CELF2: variants seen among roughly 807,000 people sequenced by gnomAD.
CELF2 encodes CUG triplet repeat RNA-binding protein 2.
A neutral mutation model predicts 62.6 loss-of-function variants in CELF2; 8 were observed. The observed-to-expected ratio is 0.13, with a 90% confidence interval of 0.07 to 0.23. CELF2 has a LOEUF of 0.23. Among genes scored for constraint, CELF2 ranks in the 10% least tolerant of loss-of-function variants. CELF2 has a pLI of 1.00. For synonymous variants in CELF2, 258 were observed against 250.0 expected (o/e 1.03, Z -0.30); for missense variants, 333 against 671.0 (o/e 0.50, Z 5.56).
In CELF2 at chr10:10,820,992, G is replaced by T. The variant is rs887584558; in HGVS notation, c.53+22175G>T. ...GACAGTAGTTTGGGTTGTGACAAGA[G>T]CAATGAGGCTAGAGAAAAGTGGATA... On this transcript the variant is annotated intron_variant, in intron 1 of 13. Transcript: ENST00000636488. 2.0e-5 allele frequency among the ~76,000 whole-genome samples: 3 copies of T among 152,202 alleles called. No individual in the cohort carries two copies. The South Asian group carries it at 6.2e-4, about 31-fold the overall frequency.
the CELF2 span, among the ~76,000 whole-genome samples, chr10:10,623,965 A>G: frequency 6.6e-6 from 1 of 152,166 alleles, no homozygotes; most frequent in Non-Finnish European, 1.5e-5. Flanking sequence ...CCCTACACCC[A>G]AGAAGGGAGG....
At chr10:11,014,903 T>G (rs2057022294), upstream of CELF2, among the ~76,000 whole-genome samples, 1 of 152,174 alleles carries the variant, frequency 6.6e-6, no homozygotes, top group South Asian at 2.1e-4. Flanking sequence ...TTAAGGTTTT[T>G]CCACAATGCA....
chr10:10,578,775 A>G, the CELF2 span, among the ~76,000 whole-genome samples: 4 of 152,234 alleles, frequency 2.6e-5, no homozygotes, highest in Admixed American at 6.5e-5. Context: ...CAGTCCTTCC[A>G]TGGGTCCACA....
the CELF2 span, among the ~76,000 whole-genome samples, chr10:10,550,701 C>CTTT: frequency 1.4e-5 from 2 of 142,472 alleles, no homozygotes; most frequent in South Asian, 4.5e-4. Flanking sequence ...CATGTGATGT[C>CTTT]TTTTTTTTTT....
chr10:10,642,330 T>G, the CELF2 span, among the ~76,000 whole-genome samples: 1 of 152,288 alleles, frequency 6.6e-6, no homozygotes, highest in South Asian at 2.1e-4. Flanking sequence ...TCTCTCTGAA[T>G]CACTTCTCCA....
intron 1 of CELF2, among the ~76,000 whole-genome samples, chr10:10,818,461 A>G (rs2056676845): frequency 6.6e-6 from 1 of 152,168 alleles, no homozygotes; most frequent in South Asian, 2.1e-4. Flanking sequence ...TACTTACAGA[A>G]GCTGATAAGG....
At chr10:10,647,548 A>AT in the CELF2 span, among the ~76,000 whole-genome samples, 1 of 152,208 alleles carries the variant, frequency 6.6e-6, no homozygotes, top group Admixed American at 6.5e-5. Flanking sequence ...ATAAATGATG[A>AT]CGACAGATCA....
At chr10:10,615,710 C>G in the CELF2 span, among the ~76,000 whole-genome samples, 2 of 152,118 alleles carry the variant, frequency 1.3e-5, no homozygotes, top group African/African-American at 4.8e-5. Flanking sequence ...CTCTCTCTTC[C>G]TCCTGCTCCC....
chr10:10,944,296 T>C (rs2047397303), intron 2 of CELF2: 1 of 152,612 alleles, frequency 6.6e-6, no homozygotes. Context: ...CTGTAGATGA[T>C]TTGGGAGTTA....
chr10:10,761,925 TG>T, the CELF2 span, among the ~76,000 whole-genome samples: 1,060 of 150,772 alleles, frequency 7.0e-3, 17 homozygotes, highest in African/African-American at 0.025. Context: ...TGTGTGTGTG[TG>T]TGTGTGTGTG....
the CELF2 span, among the ~76,000 whole-genome samples, chr10:10,587,068 C>T: frequency 6.6e-6 from 1 of 152,114 alleles, no homozygotes; most frequent in Non-Finnish European, 1.5e-5. Flanking sequence ...ATGATCAAAA[C>T]TGAGGCCCAG....
At position 10,931,098 on chromosome 10, in the gene CELF2, T is replaced by C. The variant is rs1446479031; in HGVS notation, c.89+11099T>C. Among the ~76,000 whole-genome samples the C allele has an allele frequency of 1.3e-5, 2 of 152,250 alleles. No individual in the cohort carries two copies. The highest frequency in any genetic ancestry group is 3.8e-4 in the East Asian group (2 of 5,206). On this transcript the variant is annotated intron_variant, in intron 2 of 13. Transcript: ENST00000636488. The surrounding 1 kb of genome is among the most constrained non-coding windows in gnomAD (Gnocchi z 6.1). ...TGTATACATAGATAGTTTTAAACCCTGTAAACCTTTCTTTTCGGATTAGGT... is the reference window on the plus strand; with the variant it reads ...TGTATACATAGATAGTTTTAAACCCCGTAAACCTTTCTTTTCGGATTAGGT...
chr10:10,658,329 A>T, the CELF2 span, among the ~76,000 whole-genome samples: 1 of 152,278 alleles, frequency 6.6e-6, no homozygotes. Flanking sequence ...CAATCACTTC[A>T]TCATTTCTGT....
chr10:11,283,897 T>G (rs1444975534), intron 8 of CELF2, among the ~76,000 whole-genome samples: 4 of 134,024 alleles, frequency 3.0e-5, no homozygotes, highest in African/African-American at 5.7e-5. Flanking sequence ...GGGTGGATGA[T>G]GGATGACTGT....
At chr10:10,858,770 AT>A (rs1440578512) in intron 1 of CELF2, among the ~76,000 whole-genome samples, 71 of 152,258 alleles carry the variant, frequency 4.7e-4, no homozygotes, top group African/African-American at 1.6e-3. Flanking sequence ...AAAAAAAAAA[AT>A]CTAGGGAAAA....
At chr10:10,651,658 G>C in the CELF2 span, among the ~76,000 whole-genome samples, 2 of 150,252 alleles carry the variant, frequency 1.3e-5, no homozygotes, top group Middle Eastern at 3.4e-3. Context: ...GCAGCTGAGG[G>C]TCCTGTCTGT....
In CELF2 at chr10:11,010,130, G is replaced by A. The variant is rs2056179543; in HGVS notation, c.53+4690G>A. 1 of 152,266 alleles carries A rather than the reference G, an allele frequency of 6.6e-6. No individual in the cohort carries two copies. The highest frequency in any genetic ancestry group is 6.5e-5 in the Admixed American group (1 of 15,290). 9.4% of individuals were successfully genotyped at this position (152,266 alleles called of 1,614,324 possible). A position where few individuals can be genotyped will look rare whatever the true frequency, so the allele number is the denominator to read the frequency against. ...GTGAACATCCTGGGCTGAGAGTCCA[G>A]CTCTCCTCTGGGCTCGATGAGAAGG... On this transcript the variant is annotated intron_variant, in intron 1 of 12. Transcript: ENST00000416382. The surrounding 1 kb of genome is among the most constrained non-coding windows in gnomAD (Gnocchi z 4.1).
At chr10:10,472,368 G>C in the CELF2 span, among the ~76,000 whole-genome samples, 2 of 151,614 alleles carry the variant, frequency 1.3e-5, no homozygotes, top group Non-Finnish European at 2.9e-5. Context: ...CCAATCTGCT[G>C]AGTTTCTCTG....
At chr10:11,051,346 CAT>C (rs1473168230) in intron 1 of CELF2, among the ~76,000 whole-genome samples, 6 of 152,180 alleles carry the variant, frequency 3.9e-5, no homozygotes, top group African/African-American at 1.4e-4. Context: ...ACAACTAAAA[CAT>C]AGAGTTCTCT....
Sources: allele counts gnomAD v4.1 joint callset (sites outside exome capture counted in the v4.1 genomes callset), GRCh38; gene constraint gnomAD v4.1.1; non-coding constraint Gnocchi (gnomAD v3.1); transcripts MANE v1.5; gene names NCBI Gene and HGNC (gene_info 2026-07-23, HGNC 2026-07-21).